The following SNX29 variants were observed in gnomAD, a reference collection of about 807,000 sequenced individuals.
SNX29 encodes the protein sorting nexin 29.
Under a neutral mutation model 102.1 loss-of-function variants are expected in SNX29, and 78 were observed. That is an observed-to-expected ratio of 0.76 (90% CI 0.64 to 0.92). The LOEUF is 0.92. SNX29 is among the 40% of genes least tolerant of loss of function. The pLI, the probability that SNX29 is intolerant of heterozygous loss-of-function variation, is 0.00. For synonymous variants in SNX29, 580 were observed against 414.5 expected, an observed-to-expected ratio of 1.40 and a Z score of -4.85; for missense variants, 1,280 against 1,061.7, an observed-to-expected ratio of 1.21 and a Z score of -2.86.
chr16:12,031,136 G>C (rs1007328833), intron 4 of SNX29, among the ~76,000 whole-genome samples: 11 of 151,912 alleles, frequency 7.2e-5, no homozygotes, highest in African/African-American at 2.2e-4. Flanking sequence ...GCAGTGGTGC[G>C]ATCTCGGCTC....
intron 1 of SNX29, among the ~76,000 whole-genome samples, chr16:11,981,674 G>A (rs2055418682): frequency 6.6e-6 from 1 of 152,060 alleles, no homozygotes; most frequent in African/African-American, 2.4e-5. Context: ...AGAGATGGGT[G>A]CAAAGCTGAA....
intron 20 of SNX29, among the ~76,000 whole-genome samples, chr16:12,538,367 G>A (rs547319253): frequency 6.6e-5 from 10 of 152,266 alleles, no homozygotes; most frequent in Admixed American, 4.6e-4. Context: ...TGACATTACA[G>A]GCGTGAGCCA....
intron 15 of SNX29, among the ~76,000 whole-genome samples, chr16:12,345,253 G>C (rs1358242052): frequency 6.6e-6 from 1 of 152,218 alleles, no homozygotes; most frequent in African/African-American, 2.4e-5. Flanking sequence ...TCATGTAACA[G>C]ATAGAACATG....
intron 20 of SNX29, among the ~76,000 whole-genome samples, chr16:12,562,067 GT>G (rs1475457622): frequency 7.1e-6 from 1 of 141,168 alleles, no homozygotes; most frequent in Non-Finnish European, 1.6e-5. Context: ...TTTCCTTCCC[GT>G]GTTTTCTGCC....
Position 12,056,243 on chromosome 16 carries a change from G to A in SNX29, c.1124+4021G>A, listed in dbSNP as rs143709616. On this transcript the variant is annotated intron_variant, in intron 8 of 20. Transcript: ENST00000566228. ...ATGCTGCTTGCTGATGCCACTGAGT[G>A]TAGCCCCATGGGTGAGGCTGGTGTG... Among the ~76,000 whole-genome samples, 1,347 of 152,308 alleles carry A rather than the reference G, an allele frequency of 8.8e-3. 13 individuals are homozygous for A. Among genetic ancestry groups the A allele is most frequent in the African/African-American group, 0.031 (1,274 of 41,554 alleles).
chr16:12,483,866 G>A (rs745978989), intron 19 of SNX29, among the ~76,000 whole-genome samples: 17 of 152,224 alleles, frequency 1.1e-4, no homozygotes, highest in African/African-American at 1.7e-4. Flanking sequence ...GCCTGGAAGT[G>A]ATACATGGAA....
intron 11 of SNX29, among the ~76,000 whole-genome samples, chr16:12,088,641 T>G (rs937829671): frequency 7.9e-5 from 12 of 152,348 alleles, no homozygotes; most frequent in African/African-American, 2.6e-4. Context: ...GCTGGATCCC[T>G]TTTTCCATTC....
At chr16:12,532,549 C>T (rs933288562) in intron 20 of SNX29, among the ~76,000 whole-genome samples, 1 of 152,178 alleles carries the variant, frequency 6.6e-6, no homozygotes, top group African/African-American at 2.4e-5. Flanking sequence ...TGGAGAATTC[C>T]TAAGAACTTG....
At chr16:12,025,023 T>C (rs1316621173) in intron 3 of SNX29, among the ~76,000 whole-genome samples, 1 of 152,036 alleles carries the variant, frequency 6.6e-6, no homozygotes, top group Non-Finnish European at 1.5e-5. Context: ...CTTATGAGGC[T>C]GGGTGCAATG....
Position 12,552,169 on chromosome 16 carries a change from C to T in SNX29, c.2319-16337C>T, listed in dbSNP as rs189445551. ...TCCAGTACAGCTTAATCTACTAATC[C>T]TGCAGAAAGGGAAACAACGGCAGAT... is the stretch of plus-strand genomic sequence containing the variant. On this transcript the variant is annotated intron_variant, in intron 20 of 20. Coordinates refer to ENST00000566228, the MANE Select transcript of SNX29 (RefSeq NM_032167.5). Among the ~76,000 whole-genome samples the T allele has an allele frequency of 1.4e-4, 22 of 152,276 alleles. 1 individual carries two copies. In the East Asian group the frequency reaches 3.5e-3, roughly 24 times the overall value.
intron 11 of SNX29, among the ~76,000 whole-genome samples, chr16:12,091,775 C>CAA (rs71408236): frequency 0.014 from 1,350 of 93,930 alleles, 43 homozygotes; most frequent in African/African-American, 0.045. Flanking sequence ...AGATCCTTCT[C>CAA]AAAAAAAAAA....
intron 16 of SNX29, among the ~76,000 whole-genome samples, chr16:12,387,579 AT>A (rs2083382834): frequency 6.6e-6 from 1 of 152,148 alleles, no homozygotes; most frequent in Non-Finnish European, 1.5e-5. Context: ...AGTGCTTATT[AT>A]TGTGCAGCCA....
chr16:12,546,113 G>A (rs1353245698), intron 20 of SNX29, among the ~76,000 whole-genome samples: 1 of 152,162 alleles, frequency 6.6e-6, no homozygotes, highest in Non-Finnish European at 1.5e-5. Flanking sequence ...TTTGGACAAT[G>A]TATTCTCCCC....
rs11642126 is a variant in SNX29, at chr16:12,401,139, C to T, written c.1956-2309C>T. On this transcript the variant is annotated intron_variant, in intron 17 of 20. Transcript: ENST00000566228. ...AGCCACAGCCCCCGGCCTCAGTACC[C>T]CACTTTTAATAATGGATAGGATAAC... 8.3e-3 allele frequency among the ~76,000 whole-genome samples: 1,264 copies of T among 151,996 alleles called. 6 individuals carry two copies. The highest frequency in any genetic ancestry group is 0.015 in the Non-Finnish European group (996 of 67,960).
chr16:12,179,221 C>T (rs1274798143), intron 13 of SNX29, among the ~76,000 whole-genome samples: 1 of 152,212 alleles, frequency 6.6e-6, no homozygotes, highest in Non-Finnish European at 1.5e-5. Context: ...CACAGTTGCT[C>T]ACACCTGTAC....
intron 20 of SNX29, among the ~76,000 whole-genome samples, chr16:12,531,373 G>A (rs184430129): frequency 6.6e-6 from 1 of 152,310 alleles, no homozygotes; most frequent in East Asian, 1.9e-4. Flanking sequence ...TGGGTATAGT[G>A]GATGGATTGG....
chr16:12,107,023 G>A (rs2053279517), intron 11 of SNX29, among the ~76,000 whole-genome samples: 2 of 152,066 alleles, frequency 1.3e-5, no homozygotes, highest in African/African-American at 4.8e-5. Context: ...TCACTGTGTT[G>A]CCCAGGCTGG....
chr16:12,503,443 G>C (rs62030399), intron 19 of SNX29, among the ~76,000 whole-genome samples: 5,602 of 152,306 alleles, frequency 0.037, 150 homozygotes, highest in East Asian at 0.071. Flanking sequence ...TTGGGGGGCA[G>C]AATGGGGCTC....
chr16:12,421,755 C>A (rs1041597477), intron 18 of SNX29, among the ~76,000 whole-genome samples: 3 of 152,108 alleles, frequency 2.0e-5, no homozygotes, highest in African/African-American at 7.2e-5. Flanking sequence ...CCATCATTAT[C>A]ATCATCACCA....
Sources: gnomAD v4.1 joint callset for allele counts (sites outside exome capture counted in the v4.1 genomes callset) on GRCh38, gnomAD v4.1.1 for gene constraint, MANE v1.5 for transcripts, NCBI Gene and HGNC (gene_info 2026-07-23, HGNC 2026-07-21) for gene names.